APBB2: variants seen among roughly 807,000 people sequenced by gnomAD.
APBB2 encodes the protein amyloid beta precursor protein binding family B member 2.
In APBB2, 38 loss-of-function variants were observed where a neutral mutation model predicts 82.5. The ratio of observed to expected loss-of-function variants is 0.46; its 90% CI spans 0.36 to 0.60. APBB2 has a LOEUF of 0.60. APBB2 is among the 20% of genes least tolerant of loss of function. The pLI is 0.00. For missense variants in APBB2, 772 were observed against 972.3 expected (o/e 0.79, Z 2.74); for synonymous variants, 341 against 368.2 (o/e 0.93, Z 0.85).
intron 4 of APBB2, among the ~76,000 whole-genome samples, chr4:41,038,599 C>T (rs2154446087): frequency 6.6e-6 from 1 of 152,294 alleles, no homozygotes; most frequent in South Asian, 2.1e-4. Context: ...TTCTTTCAAC[C>T]ACTGACAATC....
chr4:41,126,637 C>T (rs1326012514), intron 2 of APBB2, among the ~76,000 whole-genome samples: 5 of 152,132 alleles, frequency 3.3e-5, no homozygotes, highest in Non-Finnish European at 7.4e-5. Flanking sequence ...GTGGCTTAAA[C>T]AATAGAAAGT....
At chr4:40,929,084 T>C (rs1362077274) in intron 10 of APBB2, among the ~76,000 whole-genome samples, 1 of 151,502 alleles carries the variant, frequency 6.6e-6, no homozygotes, top group Non-Finnish European at 1.5e-5. Context: ...ATTTCTTTGT[T>C]TGTACTGTGA....
chr4:41,046,057 A>G (rs11938320), intron 4 of APBB2, among the ~76,000 whole-genome samples: 26,048 of 152,216 alleles, frequency 0.17, 2,574 homozygotes, highest in Non-Finnish European at 0.23. Flanking sequence ...CTGGGTATAT[A>G]GATACCATAT....
intron 2 of APBB2, among the ~76,000 whole-genome samples, chr4:41,130,003 C>T (rs759616463): frequency 1.3e-5 from 2 of 151,964 alleles, no homozygotes; most frequent in Non-Finnish European, 2.9e-5. Flanking sequence ...TAGGTTTCAC[C>T]GACAGACTAA....
chr4:40,997,244 C>A (rs538962765), intron 6 of APBB2, among the ~76,000 whole-genome samples: 1 of 152,246 alleles, frequency 6.6e-6, no homozygotes, highest in African/African-American at 2.4e-5. Flanking sequence ...CTGCAGCACC[C>A]GATTAAAGCC....
chr4:40,842,493 T>C (rs1470247650), intron 12 of APBB2: 1 of 381,826 alleles, frequency 2.6e-6, no homozygotes, highest in Non-Finnish European at 5.5e-6. Flanking sequence ...GCTCATCTAA[T>C]TTCCCAACTC....
At chr4:41,035,059 T>C (rs1718617261) in intron 4 of APBB2, among the ~76,000 whole-genome samples, 1 of 152,220 alleles carries the variant, frequency 6.6e-6, no homozygotes, top group African/African-American at 2.4e-5. Flanking sequence ...AATGTCATGT[T>C]TTTTTCATTG....
intron 10 of APBB2, among the ~76,000 whole-genome samples, chr4:40,932,912 G>A (rs1784562748): frequency 6.6e-6 from 1 of 152,220 alleles, no homozygotes; most frequent in South Asian, 2.1e-4. Flanking sequence ...CACCCAGGCT[G>A]GAGTGCAGTG....
intron 1 of APBB2, among the ~76,000 whole-genome samples, chr4:41,204,795 G>A (rs563460580): frequency 6.6e-6 from 1 of 152,314 alleles, no homozygotes; most frequent in South Asian, 2.1e-4. Flanking sequence ...CTCTCATTCA[G>A]GGGAGAGATG....
At chr4:41,191,199 A>G (rs1774331922) in intron 1 of APBB2, among the ~76,000 whole-genome samples, 1 of 152,166 alleles carries the variant, frequency 6.6e-6, no homozygotes, top group Admixed American at 6.5e-5. Context: ...GAGGGTGGAC[A>G]ACTTCTACCA....
chr4:41,193,699 T>C, intron 1 of APBB2: 3 of 290,114 alleles, frequency 1.0e-5, no homozygotes, highest in Non-Finnish European at 1.0e-5. Context: ...ACAGCAACTG[T>C]CTGAAAAACA....
At chr4:40,835,540 G>C (rs987063383) in intron 12 of APBB2, among the ~76,000 whole-genome samples, 1 of 152,212 alleles carries the variant, frequency 6.6e-6, no homozygotes, top group Non-Finnish European at 1.5e-5. Context: ...AGTTGTTTGC[G>C]AGAACTCCCA....
At chr4:40,874,772 A>G (rs182453978) in intron 12 of APBB2, among the ~76,000 whole-genome samples, 202 of 152,306 alleles carry the variant, frequency 1.3e-3, no homozygotes, top group African/African-American at 4.7e-3. Context: ...AGAATAGAAC[A>G]TTGCATACAG....
chr4:40,847,188 C>A (rs1208374129), intron 12 of APBB2, among the ~76,000 whole-genome samples: 1 of 152,154 alleles, frequency 6.6e-6, no homozygotes, highest in Non-Finnish European at 1.5e-5. Flanking sequence ...CCAGGTCAGG[C>A]ATGGTGGCTC....
chr4:40,902,656 C>G (rs1354073464), intron 10 of APBB2, among the ~76,000 whole-genome samples: 1 of 152,202 alleles, frequency 6.6e-6, no homozygotes, highest in Non-Finnish European at 1.5e-5. Context: ...ACCTCAGCCT[C>G]CCAAGTGGCT....
chr4:41,046,472 A>G (rs1379091383), intron 4 of APBB2, among the ~76,000 whole-genome samples: 2 of 152,212 alleles, frequency 1.3e-5, no homozygotes, highest in African/African-American at 4.8e-5. Context: ...AAAATCACCA[A>G]ACAAAATGAT....
intron 12 of APBB2, among the ~76,000 whole-genome samples, chr4:40,888,527 A>G (rs1229996851): frequency 7.7e-5 from 11 of 142,512 alleles, no homozygotes; most frequent in Non-Finnish European, 1.1e-4. Context: ...CAAGTATGTA[A>G]TGTCACAAGC....
chr4:40,827,243 T>C, intron 13 of APBB2, 24 bp from the exon 14 acceptor site: 1 of 1,610,714 alleles, frequency 6.2e-7, no homozygotes, highest in African/African-American at 1.3e-5. Context: ...AGTGCAGCTT[T>C]GGAGCGTGGG....
chr4:40,927,663 G>A (rs1253760268), intron 10 of APBB2, among the ~76,000 whole-genome samples: 1 of 152,036 alleles, frequency 6.6e-6, no homozygotes, highest in East Asian at 1.9e-4. Context: ...TGCATTTTTT[G>A]TAGAGACAGG....
Sources: allele counts gnomAD v4.1 joint callset (sites outside exome capture counted in the v4.1 genomes callset), GRCh38; gene constraint gnomAD v4.1.1; transcripts MANE v1.5; gene names NCBI Gene and HGNC (gene_info 2026-07-23, HGNC 2026-07-21).